OSBPL9: variants seen among roughly 807,000 people sequenced by gnomAD.
OSBPL9 encodes the protein oxysterol binding protein like 9.
In OSBPL9, 40 loss-of-function variants were observed where a neutral mutation model predicts 106.6. The observed-to-expected ratio is 0.38, with a 90% CI of 0.29 to 0.49. OSBPL9 has a LOEUF of 0.49. OSBPL9 is among the 20% of genes least tolerant of loss of function. The probability of loss-of-function intolerance (pLI) is 0.97; values close to 1 mark genes in which losing one functional copy is unlikely to be tolerated. For synonymous variants in OSBPL9, 269 were observed against 295.4 expected (o/e 0.91, Z 0.92); for missense variants, 609 against 887.2 (o/e 0.69, Z 3.98).
At chr1:51,597,236 G>T (rs1388603380) in intron 1 of OSBPL9, among the ~76,000 whole-genome samples, 1 of 151,990 alleles carries the variant, frequency 6.6e-6, no homozygotes, top group Non-Finnish European at 1.5e-5. Context: ...ATTTATAACT[G>T]GTGTAGTGGG....
In OSBPL9 at chr1:51,686,487, A is replaced by G. The variant is rs116655632; in HGVS notation, c.241+16975A>G. Among the ~76,000 whole-genome samples the G allele has an allele frequency of 1.6e-3, 245 of 152,348 alleles. 2 individuals are homozygous for G. Among genetic ancestry groups the G allele is most frequent in the African/African-American group, 5.8e-3 (240 of 41,584 alleles). ...ACTGCTGTTCTCTCTCCTAAACAGC[A>G]TAGCATCCTTCCTACACTGACTGTA... is the stretch of plus-strand genomic sequence containing the variant. On this transcript the variant is annotated intron_variant, in intron 3 of 23. Coordinates refer to ENST00000428468, the MANE Select transcript of OSBPL9 (RefSeq NM_024586.6).
intron 2 of OSBPL9, among the ~76,000 whole-genome samples, chr1:51,607,016 C>G (rs1643953599): frequency 6.6e-6 from 1 of 151,612 alleles, no homozygotes; most frequent in Non-Finnish European, 1.5e-5. Context: ...CGCCACTGCA[C>G]TCCAGCCTGG....
chr1:51,663,788 A>G (rs1013871247), intron 2 of OSBPL9, among the ~76,000 whole-genome samples: 1 of 152,230 alleles, frequency 6.6e-6, no homozygotes. Context: ...AAGAACTCCT[A>G]CAAGTCATTA....
intron 2 of OSBPL9, among the ~76,000 whole-genome samples, chr1:51,659,632 G>A (rs1478630396): frequency 1.3e-5 from 2 of 151,550 alleles, no homozygotes; most frequent in South Asian, 2.1e-4. Context: ...ATAAACCCTG[G>A]TTAGATTGGG....
At chr1:51,741,896 C>A (rs1346120330) in intron 4 of OSBPL9, among the ~76,000 whole-genome samples, 1 of 152,140 alleles carries the variant, frequency 6.6e-6, no homozygotes. Context: ...AGAGCAGCAA[C>A]CTCTTTGGTC....
chr1:51,741,446 CCCTTCCTTCTTT>C, intron 4 of OSBPL9, among the ~76,000 whole-genome samples: 1 of 148,296 alleles, frequency 6.7e-6, no homozygotes, highest in South Asian at 2.2e-4. Flanking sequence ...CCCTCTCTCT[CCCTTCCTTCTTT>C]CCTTCCTTCC....
the OSBPL9 span, among the ~76,000 whole-genome samples, chr1:51,528,207 A>G: frequency 6.6e-6 from 1 of 151,920 alleles, no homozygotes; most frequent in East Asian, 1.9e-4. Context: ...AAAAATAAAA[A>G]ACATCCATAT....
At chr1:51,572,951 C>T (rs1645159412), upstream of OSBPL9, among the ~76,000 whole-genome samples, 1 of 152,176 alleles carries the variant, frequency 6.6e-6, no homozygotes, top group Non-Finnish European at 1.5e-5. Context: ...GGCACTCACA[C>T]CTGTAATCCC....
intron 2 of OSBPL9, among the ~76,000 whole-genome samples, chr1:51,606,701 T>G (rs1643950781): frequency 6.6e-6 from 1 of 152,254 alleles, no homozygotes; most frequent in South Asian, 2.1e-4. Flanking sequence ...TTTTTATCCT[T>G]TACAAAATGG....
At chr1:51,686,932 G>T (rs1227346136) in intron 3 of OSBPL9, among the ~76,000 whole-genome samples, 1 of 152,196 alleles carries the variant, frequency 6.6e-6, no homozygotes, top group African/African-American at 2.4e-5. Context: ...TTCCAAAGAA[G>T]ACTGAATGTA....
intron 2 of OSBPL9, among the ~76,000 whole-genome samples, chr1:51,653,798 G>A (rs1481731280): frequency 1.3e-5 from 2 of 152,116 alleles, no homozygotes; most frequent in East Asian, 1.9e-4. Context: ...CCAGTAGTTC[G>A]AGACCAGCCT....
chr1:51,530,201 A>AAAAAAAAAAAAAAG, the OSBPL9 span, among the ~76,000 whole-genome samples: 1 of 143,556 alleles, frequency 7.0e-6, no homozygotes, highest in African/African-American at 2.6e-5. Flanking sequence ...AACAAAAAAA[A>AAAAAAAAAAAAAAG]AAAACCTCTA....
At chr1:51,573,163 G>C (rs1645160764), upstream of OSBPL9, among the ~76,000 whole-genome samples, 1 of 150,558 alleles carries the variant, frequency 6.6e-6, no homozygotes, top group Non-Finnish European at 1.5e-5. Flanking sequence ...AGTGAGCCAA[G>C]ATTGTGCCAC....
At chr1:51,700,684 A>G (rs1177325438) in intron 3 of OSBPL9, among the ~76,000 whole-genome samples, 1 of 152,162 alleles carries the variant, frequency 6.6e-6, no homozygotes, top group East Asian at 1.9e-4. Flanking sequence ...AATCTTATTA[A>G]CTGGTGATGT....
At position 51,755,548 on chromosome 1, in the gene OSBPL9, C is replaced by T. The variant is rs1488257201; in HGVS notation, c.544-772C>T. On this transcript the variant is annotated intron_variant, in intron 8 of 23. Coordinates refer to ENST00000428468, the MANE Select transcript of OSBPL9 (RefSeq NM_024586.6). ...TACTGGTAATGCTATATGATCTTCT[C>T]TCACTATACTGGGCAGTGGCAGCAA... 3.3e-5 allele frequency among the ~76,000 whole-genome samples: 5 copies of T among 152,322 alleles called. No individual in the cohort carries two copies. The East Asian group carries it at 9.6e-4, about 29-fold the overall frequency.
At chr1:51,773,188 C>A (rs935290986) in intron 14 of OSBPL9, among the ~76,000 whole-genome samples, 12 of 152,218 alleles carry the variant, frequency 7.9e-5, no homozygotes, top group East Asian at 1.9e-4. Flanking sequence ...CAGGTTCAAG[C>A]GATTCTCCTG....
chr1:51,659,098 A>G lies in OSBPL9; in HGVS notation c.162+7057A>G, dbSNP rs185540722. Among the ~76,000 whole-genome samples the G allele has an allele frequency of 4.7e-4, 71 of 152,266 alleles. 3 individuals carry two copies. In the South Asian group the frequency reaches 0.012, roughly 25 times the overall value. On this transcript the variant is annotated intron_variant, in intron 2 of 23. Transcript: ENST00000428468. The stretch of plus-strand genomic sequence containing the variant: ...TAAAAATTAAATGAAAAAGAAAGTG[A>G]TGGAAGAATATATTCCAGGCAAGTG...
chr1:51,731,136 T>C (rs979810153), intron 4 of OSBPL9, among the ~76,000 whole-genome samples: 1 of 151,894 alleles, frequency 6.6e-6, no homozygotes, highest in Admixed American at 6.6e-5. Context: ...GGAAGGTGTA[T>C]GATTAAAAGT....
At chr1:51,749,522 G>A in intron 7 of OSBPL9, 1 of 421,614 alleles carries the variant, frequency 2.4e-6, no homozygotes, top group Non-Finnish European at 4.9e-6. Flanking sequence ...CTGCTATGTT[G>A]CCTAGGCTGG....
Sources: gnomAD v4.1 joint callset for allele counts (sites outside exome capture counted in the v4.1 genomes callset) on GRCh38, gnomAD v4.1.1 for gene constraint, MANE v1.5 for transcripts, NCBI Gene and HGNC (gene_info 2026-07-23, HGNC 2026-07-21) for gene names.